Variants in WNK2 observed in about 807,000 individuals in gnomAD.
WNK2 encodes the protein WNK lysine deficient protein kinase 2, also known as serine/threonine-protein kinase WNK2.
In WNK2, 67 loss-of-function variants were observed where a neutral mutation model predicts 192.1. The ratio of observed to expected loss-of-function variants is 0.35; its 90% CI spans 0.29 to 0.43. The LOEUF (loss-of-function observed/expected upper bound fraction) is 0.43, where lower values mean the gene tolerates loss of function less well. Ranked by LOEUF, WNK2 falls within the 20% of genes least tolerant of loss-of-function variation. The pLI is 1.00. For missense variants in WNK2, 2,698 were observed against 3,089.7 expected, an observed-to-expected ratio of 0.87 and a Z score of 3.01; for synonymous variants, 1,439 against 1,393.9, an observed-to-expected ratio of 1.03 and a Z score of -0.72.
intron 28 of WNK2, among the ~76,000 whole-genome samples, chr9:93,312,806 A>C (rs550404588): frequency 6.6e-6 from 1 of 152,172 alleles, no homozygotes; most frequent in African/African-American, 2.4e-5. Context: ...GTTAGCCTTC[A>C]TCTCTGGGCT....
chr9:93,320,397 GC>G lies in WNK2; in HGVS notation c.*7del. 1 of 1,367,616 alleles carries G rather than the reference GC, an allele frequency of 7.3e-7. No individual in the cohort carries two copies. Among genetic ancestry groups the G allele is most frequent in the Non-Finnish European group, 9.8e-7 (1 of 1,021,834 alleles). 84.7% of individuals were successfully genotyped at this position (1,367,616 alleles called of 1,614,324 possible). ...GAGAGTGAGAAGCCTGACTGACCCC[GC>G]CTAGACGCCAGGCCCACTTCACGCC... On this transcript the variant is annotated 3_prime_UTR_variant, in exon 30 of 30. Transcript: ENST00000427277.
chr9:93,197,834 C>G (rs970166211), intron 2 of WNK2, among the ~76,000 whole-genome samples: 1 of 152,090 alleles, frequency 6.6e-6, no homozygotes, highest in East Asian at 1.9e-4. Context: ...TGTGGTGTTT[C>G]TGTACGACCG....
At chr9:93,314,765 T>G (rs999778184) in intron 28 of WNK2, among the ~76,000 whole-genome samples, 13 of 152,026 alleles carry the variant, frequency 8.6e-5, no homozygotes, top group African/African-American at 2.9e-4. Flanking sequence ...GGGAGCCAAA[T>G]CAGGACTGTA....
chr9:93,249,369 C>T (rs1279849508), intron 8 of WNK2, among the ~76,000 whole-genome samples: 1 of 152,216 alleles, frequency 6.6e-6, no homozygotes, highest in East Asian at 1.9e-4. Context: ...CTGATGATTG[C>T]AATTCAGGTG....
chr9:93,241,749 C>G (rs375937032), intron 7 of WNK2, among the ~76,000 whole-genome samples: 2 of 152,184 alleles, frequency 1.3e-5, no homozygotes, highest in African/African-American at 4.8e-5. Context: ...CTCCTGGCAG[C>G]TCCTTGTCCA....
intron 24 of WNK2, 44 bp from the exon 25 acceptor site, chr9:93,299,026 G>A (rs748975884): frequency 2.0e-5 from 31 of 1,577,058 alleles, no homozygotes; most frequent in South Asian, 9.2e-5. Flanking sequence ...GCCCCGACCC[G>A]GCGGCGCCTC....
chr9:93,267,598 G>A, intron 16 of WNK2, 148 bp from the exon 17 acceptor site: 1 of 894,306 alleles, frequency 1.1e-6, no homozygotes, highest in Non-Finnish European at 1.6e-6. Context: ...CACTTGCTGA[G>A]CTGTCCAGCC....
chr9:93,263,132 G>A (rs977100579), intron 14 of WNK2: 6 of 378,286 alleles, frequency 1.6e-5, no homozygotes, highest in African/African-American at 4.1e-5. Flanking sequence ...GAAATGAACC[G>A]TGTCCTTATT....
chr9:93,228,219 C>T (rs4744199), intron 2 of WNK2, among the ~76,000 whole-genome samples: 33,341 of 151,866 alleles, frequency 0.22, 4,128 homozygotes, highest in African/African-American at 0.34. Flanking sequence ...AGGGGTCTGG[C>T]GGGTTGATGG....
chr9:93,248,223 C>G (rs1038283838), intron 8 of WNK2, among the ~76,000 whole-genome samples: 6 of 152,262 alleles, frequency 3.9e-5, no homozygotes, highest in South Asian at 2.1e-4. Context: ...CCTGTCCCCC[C>G]AGCCCACCAT....
At chr9:93,187,888 G>T (rs1829628039) in intron 2 of WNK2, among the ~76,000 whole-genome samples, 1 of 152,096 alleles carries the variant, frequency 6.6e-6, no homozygotes, top group African/African-American at 2.4e-5. Context: ...GTTGGACTCT[G>T]CGAGGGGAGT....
At chr9:93,288,248 G>GC (rs1322205987) in intron 19 of WNK2, among the ~76,000 whole-genome samples, 8 of 152,210 alleles carry the variant, frequency 5.3e-5, no homozygotes, top group Non-Finnish European at 1.0e-4. Context: ...TCACTGACCA[G>GC]CCCTGGCTGC....
intron 19 of WNK2, among the ~76,000 whole-genome samples, chr9:93,274,515 CAAA>C (rs67350876): frequency 8.4e-6 from 1 of 118,400 alleles, no homozygotes; most frequent in Non-Finnish European, 1.8e-5. Flanking sequence ...CCGTCTCAAC[CAAA>C]AAAAAAAAAA....
At chr9:93,194,791 C>CT (rs752773698) in intron 2 of WNK2, among the ~76,000 whole-genome samples, 4 of 152,160 alleles carry the variant, frequency 2.6e-5, no homozygotes, top group Non-Finnish European at 5.9e-5. Flanking sequence ...ATTGCCAGAA[C>CT]TTGGAAGCAA....
rs374493827 is a variant in WNK2, at chr9:93,239,725, G to C, written c.1323-32G>C. On this transcript the variant is annotated intron_variant, in intron 6 of 29. Coordinates refer to ENST00000427277, the MANE Select transcript of WNK2 (RefSeq NM_006648.4). This position sits in a 1 kb window ranked among gnomAD's most constrained non-coding sequence, Gnocchi z 4.2. ...CCTGGGCATGGAGGCCCTGGCGCCCGTGCCCCTGCCTGTCAGCTGCTCTCC... is the reference window on the plus strand; with the variant it reads ...CCTGGGCATGGAGGCCCTGGCGCCCCTGCCCCTGCCTGTCAGCTGCTCTCC... 12 of 1,535,210 alleles carry C rather than the reference G, an allele frequency of 7.8e-6. No individual in the cohort carries two copies. The African/African-American group carries it at 1.5e-4, about 19-fold the overall frequency.
At chr9:93,263,828 G>T (rs1844720603) in intron 15 of WNK2, 89 bp from the exon 16 acceptor site, 3 of 525,600 alleles carry the variant, frequency 5.7e-6, no homozygotes, top group East Asian at 3.9e-5. Flanking sequence ...TGGTGGGGGT[G>T]GGGGGGAGGG....
At position 93,252,990 on chromosome 9, in the gene WNK2, G is replaced by T; in HGVS notation, c.1942G>T (p.Ala648Ser). Reference sequence around the variant, plus strand: ...CCTTGCCGACGCAGCGCCGTCCCCGGCCCAGTGTGTGTGCAGCCCCCCTGT... The same window carrying T: ...CCTTGCCGACGCAGCGCCGTCCCCGTCCCAGTGTGTGTGCAGCCCCCCTGT... The part of the protein sequence containing the change: ...GSLADAAPSP[A>S]QCVCSPPVSE... The change falls in exon 9 of 30, where the codon GCC becomes TCC. Residue 648 changes from alanine to serine, a missense_variant. Transcript: ENST00000427277. The T allele has an allele frequency of 6.4e-7, 1 of 1,565,458 alleles. No homozygotes were observed. The highest frequency in any genetic ancestry group is 1.2e-5 in the South Asian group (1 of 84,928).
chr9:93,237,146 C>T (rs542554082), intron 5 of WNK2, among the ~76,000 whole-genome samples: 46 of 152,258 alleles, frequency 3.0e-4, no homozygotes, highest in Non-Finnish European at 5.3e-4. Context: ...GGAATTGCAG[C>T]GGTTTCACAG....
At chr9:93,198,820 C>G (rs1479576034) in intron 2 of WNK2, among the ~76,000 whole-genome samples, 1 of 152,210 alleles carries the variant, frequency 6.6e-6, no homozygotes, top group East Asian at 1.9e-4. Context: ...CCCTGCTGCC[C>G]CCTTTTCCAG....
Sources: gnomAD v4.1 joint callset for allele counts (sites outside exome capture counted in the v4.1 genomes callset) on GRCh38, gnomAD v4.1.1 for gene constraint, Gnocchi (gnomAD v3.1) non-coding constraint, MANE v1.5 for transcripts, NCBI Gene and HGNC (gene_info 2026-07-23, HGNC 2026-07-21) for gene names.